The following SYN2 variants were observed in gnomAD, a reference collection of about 807,000 sequenced individuals.
The protein encoded by SYN2 is synapsin-2.
In SYN2, 19 loss-of-function variants were observed where a neutral mutation model predicts 50.9. The observed-to-expected ratio is 0.37, with a 90% CI of 0.26 to 0.55. The LOEUF is 0.55. Ranked by LOEUF, SYN2 falls within the 20% of genes least tolerant of loss-of-function variation. The probability of loss-of-function intolerance (pLI) is 0.81; values close to 1 mark genes in which losing one functional copy is unlikely to be tolerated. For missense variants in SYN2, 587 were observed against 576.4 expected (o/e 1.02, Z -0.19); for synonymous variants, 255 against 224.9 (o/e 1.13, Z -1.20).
rs140791533 is a variant in SYN2 at position 12,112,896 on chromosome 3, A to G, written c.378-27755A>G. Among the ~76,000 whole-genome samples, 460 of 152,318 alleles carry G rather than the reference A, an allele frequency of 3.0e-3. 2 individuals carry two copies. Among genetic ancestry groups the G allele is most frequent in the African/African-American group, 0.011 (441 of 41,564 alleles). ...AATTGTGGTACAAGTAGTAAATTCT[A>G]TGATAGTCCAGAGAGGAATGATCAT... On this transcript the variant is annotated intron_variant, in intron 1 of 12. Coordinates refer to ENST00000621198, the MANE Select transcript of SYN2 (RefSeq NM_133625.6).
intron 1 of SYN2, among the ~76,000 whole-genome samples, chr3:12,106,169 G>T (rs1696185111): frequency 6.6e-6 from 1 of 152,184 alleles, no homozygotes; most frequent in Admixed American, 6.5e-5. Context: ...GCCACTCCCA[G>T]TTCCTCCAGG....
At chr3:12,048,673 G>A (rs761696137) in intron 1 of SYN2, among the ~76,000 whole-genome samples, 4 of 152,176 alleles carry the variant, frequency 2.6e-5, no homozygotes, top group Admixed American at 1.3e-4. Context: ...ACTTAGTTAA[G>A]TGTTTTAATA....
chr3:12,041,412 C>G (rs192353279), intron 1 of SYN2, among the ~76,000 whole-genome samples: 1 of 152,276 alleles, frequency 6.6e-6, no homozygotes, highest in Non-Finnish European at 1.5e-5. Context: ...CCTCTGTGTC[C>G]TCCAAGCTGT....
intron 1 of SYN2, among the ~76,000 whole-genome samples, chr3:12,050,711 CT>C (rs57099569): frequency 1.6e-4 from 8 of 50,564 alleles, no homozygotes; most frequent in South Asian, 2.1e-3. Context: ...CTTCTCTTCT[CT>C]TTTTTTTTTT....
intron 1 of SYN2, among the ~76,000 whole-genome samples, chr3:12,097,846 G>T (rs1204222549): frequency 6.6e-6 from 1 of 152,020 alleles, no homozygotes; most frequent in Non-Finnish European, 1.5e-5. Flanking sequence ...ACACACCAGG[G>T]CCTGTTGTGG....
At chr3:12,036,272 C>A (rs1373417395) in intron 1 of SYN2, among the ~76,000 whole-genome samples, 2 of 152,144 alleles carry the variant, frequency 1.3e-5, no homozygotes, top group African/African-American at 4.8e-5. Flanking sequence ...AGGGGTGCGG[C>A]ACACTAGCTG....
chr3:12,065,535 T>G (rs1026802167), intron 1 of SYN2, among the ~76,000 whole-genome samples: 3 of 152,288 alleles, frequency 2.0e-5, no homozygotes, highest in Admixed American at 2.0e-4. Context: ...GGAATGAAAT[T>G]ATGTCCTTTT....
At chr3:12,179,374 GAAAAAA>G (rs536283283) in intron 10 of SYN2, among the ~76,000 whole-genome samples, 21 of 92,570 alleles carry the variant, frequency 2.3e-4, no homozygotes, top group South Asian at 1.4e-3. Flanking sequence ...AGAACTGAAA[GAAAAAA>G]AAAAAAAAAA....
rs150438355 is a variant in SYN2, at chr3:12,059,893, C to T, written c.377+54965C>T. On this transcript the variant is annotated intron_variant, in intron 1 of 12. Coordinates refer to ENST00000621198, the MANE Select transcript of SYN2 (RefSeq NM_133625.6). The stretch of plus-strand genomic sequence containing the variant: ...ACTGTAAGGATGAAAATGAAAGCAG[C>T]GGGTATCAGCTCTGACATTTATAGA... Among the ~76,000 whole-genome samples, 548 of 152,214 alleles carry T rather than the reference C, an allele frequency of 3.6e-3. 4 individuals are homozygous for T. Among genetic ancestry groups the T allele is most frequent in the African/African-American group, 0.012 (519 of 41,524 alleles).
chr3:12,132,164 A>T (rs1438751218), intron 1 of SYN2, among the ~76,000 whole-genome samples: 1 of 150,822 alleles, frequency 6.6e-6, no homozygotes, highest in East Asian at 2.0e-4. Context: ...ATGCCATAGC[A>T]CTCAGCTGTC....
At chr3:12,188,827 C>A (rs1698394623) in intron 12 of SYN2, among the ~76,000 whole-genome samples, 1 of 152,150 alleles carries the variant, frequency 6.6e-6, no homozygotes, top group Non-Finnish European at 1.5e-5. Context: ...TTCCTGCCTG[C>A]TGACTTTTTT....
At chr3:12,110,541 T>G (rs189136591) in intron 1 of SYN2, among the ~76,000 whole-genome samples, 5 of 152,340 alleles carry the variant, frequency 3.3e-5, no homozygotes, top group African/African-American at 1.2e-4. Context: ...TAGCAGAGGT[T>G]CTCTGTGAGA....
chr3:12,067,052 G>T (rs1357852745), intron 1 of SYN2, among the ~76,000 whole-genome samples: 1 of 152,086 alleles, frequency 6.6e-6, no homozygotes, highest in East Asian at 1.9e-4. Context: ...GAACAGCATG[G>T]GGGTAACTGC....
chr3:12,049,626 A>G (rs1173096694), intron 1 of SYN2, among the ~76,000 whole-genome samples: 1 of 152,242 alleles, frequency 6.6e-6, no homozygotes, highest in African/African-American at 2.4e-5. Flanking sequence ...AGGAAATGAT[A>G]CAGTAAGTTC....
chr3:12,121,400 A>C (rs561332902), intron 1 of SYN2, among the ~76,000 whole-genome samples: 1 of 152,276 alleles, frequency 6.6e-6, no homozygotes, highest in South Asian at 2.1e-4. Context: ...TTGTTATGCT[A>C]TTGTAATGTT....
chr3:12,181,549 C>G (rs140653340), intron 10 of SYN2, among the ~76,000 whole-genome samples: 1 of 152,302 alleles, frequency 6.6e-6, no homozygotes, highest in African/African-American at 2.4e-5. Context: ...ATACCTCATA[C>G]GGTACTGTGA....
chr3:12,097,983 A>G (rs1028625538), intron 1 of SYN2, among the ~76,000 whole-genome samples: 1 of 152,174 alleles, frequency 6.6e-6, no homozygotes, highest in Non-Finnish European at 1.5e-5. Flanking sequence ...GTGCACATGT[A>G]CCCTAGAACT....
intron 10 of SYN2, among the ~76,000 whole-genome samples, chr3:12,174,140 C>T (rs1224466468): frequency 2.0e-5 from 3 of 152,032 alleles, no homozygotes; most frequent in African/African-American, 7.3e-5. Flanking sequence ...AACATCAGTG[C>T]CCCAGAACTT....
intron 1 of SYN2, among the ~76,000 whole-genome samples, chr3:12,086,750 G>A (rs1460195819): frequency 6.6e-6 from 1 of 152,134 alleles, no homozygotes; most frequent in Admixed American, 6.5e-5. Flanking sequence ...CAAGCCCACA[G>A]CTGACATACT....
Sources: gnomAD v4.1 joint callset for allele counts (sites outside exome capture counted in the v4.1 genomes callset) on GRCh38, gnomAD v4.1.1 for gene constraint, MANE v1.5 for transcripts, NCBI Gene and HGNC (gene_info 2026-07-23, HGNC 2026-07-21) for gene names.